Variants in RCAN2 observed in about 807,000 individuals in gnomAD.
RCAN2 encodes the protein calcipressin-2.
Under a neutral mutation model 23.6 loss-of-function variants are expected in RCAN2, and 9 were observed. The observed-to-expected ratio is 0.38, with a 90% CI of 0.23 to 0.67. RCAN2 has a LOEUF of 0.67. Ranked by LOEUF, RCAN2 falls within the 30% of genes least tolerant of loss-of-function variation. The probability of loss-of-function intolerance (pLI) is 0.51; values close to 1 mark genes in which losing one functional copy is unlikely to be tolerated. For synonymous variants in RCAN2, 109 were observed against 115.7 expected (o/e 0.94, Z 0.37); for missense variants, 273 against 302.3 (o/e 0.90, Z 0.72).
intron 2 of RCAN2, among the ~76,000 whole-genome samples, chr6:46,434,216 A>C (rs1767300479): frequency 6.6e-6 from 1 of 152,246 alleles, no homozygotes; most frequent in Non-Finnish European, 1.5e-5. Flanking sequence ...AAAAGTGCTG[A>C]GCCTAACCAT....
intron 2 of RCAN2, among the ~76,000 whole-genome samples, chr6:46,279,914 A>G (rs932742094): frequency 2.0e-5 from 3 of 152,236 alleles, no homozygotes; most frequent in African/African-American, 7.2e-5. Flanking sequence ...GAGCTAGTGC[A>G]TATAAAGTGA....
chr6:46,337,156 A>C (rs907819903), intron 2 of RCAN2, among the ~76,000 whole-genome samples: 3 of 151,950 alleles, frequency 2.0e-5, no homozygotes, highest in African/African-American at 7.2e-5. Context: ...TCCATGTTAA[A>C]AAAAAGCAAA....
intron 4 of RCAN2, among the ~76,000 whole-genome samples, chr6:46,240,054 G>A (rs1766249218): frequency 6.6e-6 from 1 of 152,132 alleles, no homozygotes. Context: ...TGGGGTGAGA[G>A]GAAAGTGGCG....
intron 2 of RCAN2, among the ~76,000 whole-genome samples, chr6:46,397,589 C>G (rs78166515): frequency 0.011 from 1,727 of 152,204 alleles, 31 homozygotes; most frequent in East Asian, 0.069. Flanking sequence ...TTGTATACAT[C>G]TATAATTATT....
intron 2 of RCAN2, among the ~76,000 whole-genome samples, chr6:46,351,478 G>C (rs1764644424): frequency 6.6e-6 from 1 of 152,086 alleles, no homozygotes; most frequent in South Asian, 2.1e-4. Flanking sequence ...TGTGTAGCAG[G>C]GATTTGAAGG....
At chr6:46,466,692 G>A (rs2150438666) in intron 1 of RCAN2, among the ~76,000 whole-genome samples, 1 of 152,196 alleles carries the variant, frequency 6.6e-6, no homozygotes, top group South Asian at 2.1e-4. Flanking sequence ...CTTCAGCCCA[G>A]CAAACCAGGA....
chr6:46,382,642 T>G (rs1455032983), intron 2 of RCAN2, among the ~76,000 whole-genome samples: 1 of 152,218 alleles, frequency 6.6e-6, no homozygotes, highest in East Asian at 1.9e-4. Context: ...CTCCAATGCA[T>G]AATTTAATTT....
intron 2 of RCAN2, among the ~76,000 whole-genome samples, chr6:46,354,042 T>C (rs566067143): frequency 6.6e-6 from 1 of 152,278 alleles, no homozygotes; most frequent in African/African-American, 2.4e-5. Flanking sequence ...CCAGAATATA[T>C]TTTGTACAAT....
At chr6:46,439,702 G>A (rs1394042285) in intron 2 of RCAN2, among the ~76,000 whole-genome samples, 1 of 152,146 alleles carries the variant, frequency 6.6e-6, no homozygotes, top group African/African-American at 2.4e-5. Context: ...CTGGGCAAAG[G>A]TAGGGCTAGG....
chr6:46,276,336 G>A (rs965979373), intron 2 of RCAN2, among the ~76,000 whole-genome samples: 3 of 152,160 alleles, frequency 2.0e-5, no homozygotes, highest in South Asian at 4.2e-4. Flanking sequence ...CAGCAGCAGT[G>A]CCCATCATAG....
At chr6:46,390,445 CA>C (rs1302157190) in intron 2 of RCAN2, among the ~76,000 whole-genome samples, 1 of 152,188 alleles carries the variant, frequency 6.6e-6, no homozygotes, top group Non-Finnish European at 1.5e-5. Flanking sequence ...AATACAAAGT[CA>C]AAAGTCTTTT....
rs1252342818 is a variant in RCAN2 at position 46,222,034 on chromosome 6, A to G, written c.*1107T>C. 5.0e-6 allele frequency: 2 copies of G among 398,426 alleles called. No homozygotes were observed. The highest frequency in any genetic ancestry group is 3.6e-5 in the East Asian group (1 of 28,088). 24.7% of individuals were successfully genotyped at this position (398,426 alleles called of 1,614,324 possible). Reference sequence around the variant, plus strand: ...ATTCTGGGGATTTAGCTTCATCCCAATAATCTACAACTGACACTTGCATCT... The same window carrying G: ...ATTCTGGGGATTTAGCTTCATCCCAGTAATCTACAACTGACACTTGCATCT... On this transcript the variant is annotated 3_prime_UTR_variant, in exon 5 of 5. Transcript: ENST00000371374.
At position 46,262,068 on chromosome 6, in the gene RCAN2, C is replaced by T. The variant is rs77028651; in HGVS notation, c.226-13172G>A. ...ACACCTCTACTGTCTTTTAGACAAA[C>T]CCATTTCCAGACCTCCACGCCCCAT... On this transcript the variant is annotated intron_variant, in intron 2 of 4. Coordinates refer to ENST00000371374, the MANE Select transcript of RCAN2 (RefSeq NM_001251974.2). Among the ~76,000 whole-genome samples, 1,483 of 152,248 alleles carry T rather than the reference C, an allele frequency of 9.7e-3. 13 individuals carry two copies. The highest frequency in any genetic ancestry group is 0.016 in the Non-Finnish European group (1,097 of 68,016).
At position 46,363,150 on chromosome 6, in the gene RCAN2, C is replaced by T. The variant is rs529151867; in HGVS notation, c.225+93602G>A. Reference sequence around the variant, plus strand: ...AGGAAACTCAAACTGCTGTGCAAGCCATCACCTTTTCTGGTGCAGAAATGA... The same window carrying T: ...AGGAAACTCAAACTGCTGTGCAAGCTATCACCTTTTCTGGTGCAGAAATGA... On this transcript the variant is annotated intron_variant, in intron 2 of 4. Transcript: ENST00000371374. 4.6e-5 allele frequency among the ~76,000 whole-genome samples: 7 copies of T among 152,254 alleles called. No individual in the cohort carries two copies. The South Asian group carries it at 1.5e-3, about 32-fold the overall frequency.
chr6:46,337,276 G>A (rs192923077), intron 2 of RCAN2, among the ~76,000 whole-genome samples: 5 of 152,292 alleles, frequency 3.3e-5, no homozygotes, highest in Admixed American at 3.3e-4. Flanking sequence ...TTGCAGTACT[G>A]TTATAGTTCT....
chr6:46,289,282 G>A (rs186660752), intron 2 of RCAN2, among the ~76,000 whole-genome samples: 33 of 152,304 alleles, frequency 2.2e-4, no homozygotes, highest in Admixed American at 1.4e-3. Flanking sequence ...CACAGCCTAT[G>A]GTGAACTGCA....
chr6:46,380,818 TA>T (rs1765600335), intron 2 of RCAN2, among the ~76,000 whole-genome samples: 2 of 152,156 alleles, frequency 1.3e-5, no homozygotes, highest in Admixed American at 1.3e-4. Flanking sequence ...ATAACGCATG[TA>T]AAAAAGATTG....
At chr6:46,471,249 A>G (rs1768551904) in intron 1 of RCAN2, among the ~76,000 whole-genome samples, 2 of 152,200 alleles carry the variant, frequency 1.3e-5, no homozygotes, top group African/African-American at 4.8e-5. Flanking sequence ...GAACTGACTT[A>G]TGTTTTAAAA....
At chr6:46,305,949 GT>G in intron 2 of RCAN2, among the ~76,000 whole-genome samples, 1 of 140,942 alleles carries the variant, frequency 7.1e-6, no homozygotes, top group Non-Finnish European at 1.5e-5. Flanking sequence ...TTACCACTTT[GT>G]ATGCCTGGCG....
Sources: allele counts gnomAD v4.1 joint callset (sites outside exome capture counted in the v4.1 genomes callset), GRCh38; gene constraint gnomAD v4.1.1; transcripts MANE v1.5; gene names NCBI Gene and HGNC (gene_info 2026-07-23, HGNC 2026-07-21).